The following CLSTN2 variants were observed in gnomAD, a reference collection of about 807,000 sequenced individuals.
CLSTN2 encodes calsyntenin 2, also known as calsyntenin-2.
A neutral mutation model predicts 101.2 loss-of-function variants in CLSTN2; 48 were observed. That is an observed-to-expected ratio of 0.47 (90% CI 0.38 to 0.60). The LOEUF (loss-of-function observed/expected upper bound fraction) is 0.60, where lower values mean the gene tolerates loss of function less well. Among genes scored for constraint, CLSTN2 ranks in the 20% least tolerant of loss-of-function variants. The pLI, the probability that CLSTN2 is intolerant of heterozygous loss-of-function variation, is 0.00. For synonymous variants in CLSTN2, 481 were observed against 463.6 expected (o/e 1.04, Z -0.48); for missense variants, 1,160 against 1,238.2 (o/e 0.94, Z 0.95).
chr3:140,207,951 A>T (rs976574895), intron 2 of CLSTN2, among the ~76,000 whole-genome samples: 2 of 152,074 alleles, frequency 1.3e-5, no homozygotes, highest in African/African-American at 4.8e-5. Flanking sequence ...ATATATTTAT[A>T]ATTATAGTAA....
intron 8 of CLSTN2, chr3:140,507,002 C>T (rs550133693): frequency 2.0e-5 from 3 of 152,068 alleles, no homozygotes; most frequent in Non-Finnish European, 2.9e-5. Context: ...TGTGAGGGAC[C>T]GGGATGGACA....
Position 140,566,086 on chromosome 3 carries a change from A to T in CLSTN2, c.2701A>T (p.Thr901Ser). Residue 901 changes from threonine to serine, a missense_variant, in exon 17 of 17, where the codon ACT (threonine) becomes TCT (serine). By Grantham distance (58) the Thr-to-Ser change is moderately conservative. Transcript: ENST00000458420. ...AGGACCAGGGCATGGGGAAGATGAGACTGAGGGAGAAGAGGAGGAAGAAGC... is the reference window on the plus strand; with the variant it reads ...AGGACCAGGGCATGGGGAAGATGAGTCTGAGGGAGAAGAGGAGGAAGAAGC... The part of the protein sequence containing the change: ...HEGPGHGEDE[T>S]EGEEEEEAEE... 2 of 1,613,496 alleles carry T rather than the reference A, an allele frequency of 1.2e-6. No homozygotes were observed. Among genetic ancestry groups the T allele is most frequent in the Non-Finnish European group, 1.7e-6 (2 of 1,179,466 alleles).
chr3:139,960,479 A>G (rs1332799138), intron 1 of CLSTN2, among the ~76,000 whole-genome samples: 1 of 152,182 alleles, frequency 6.6e-6, no homozygotes, highest in East Asian at 1.9e-4. Flanking sequence ...AGTATCAAAG[A>G]TGGAATCTTC....
intron 1 of CLSTN2, among the ~76,000 whole-genome samples, chr3:139,983,833 C>G (rs889432305): frequency 7.2e-5 from 11 of 152,014 alleles, no homozygotes; most frequent in Non-Finnish European, 1.6e-4. Context: ...CTTACCCAAT[C>G]AATAGTATAT....
chr3:140,200,577 A>T, intron 2 of CLSTN2, among the ~76,000 whole-genome samples: 1 of 152,210 alleles, frequency 6.6e-6, no homozygotes, highest in East Asian at 1.9e-4. Flanking sequence ...AGCATCAGGA[A>T]GGGTTAATAA....
chr3:140,559,491 T>G (rs909392558), intron 12 of CLSTN2, among the ~76,000 whole-genome samples: 1 of 150,192 alleles, frequency 6.7e-6, no homozygotes, highest in African/African-American at 2.5e-5. Context: ...GAGGAGTAAT[T>G]TGAATTATCT....
chr3:140,061,765 A>G (rs1364622224), intron 1 of CLSTN2, among the ~76,000 whole-genome samples: 2 of 152,228 alleles, frequency 1.3e-5, no homozygotes, highest in East Asian at 3.8e-4. Flanking sequence ...CCATGGCCTG[A>G]AAGGACCATG....
chr3:140,476,052 A>G (rs879455843), intron 8 of CLSTN2, among the ~76,000 whole-genome samples: 2 of 152,158 alleles, frequency 1.3e-5, no homozygotes, highest in Admixed American at 6.5e-5. Flanking sequence ...TCATGCTTCT[A>G]CCTTTCTCGT....
chr3:140,351,796 T>TG (rs2087609667), intron 2 of CLSTN2, among the ~76,000 whole-genome samples: 2 of 151,684 alleles, frequency 1.3e-5, no homozygotes, highest in African/African-American at 4.8e-5. Flanking sequence ...TGTTTTGTTT[T>TG]TTTTTTTTCT....
At chr3:140,143,699 A>G (rs989131256) in intron 1 of CLSTN2, among the ~76,000 whole-genome samples, 4 of 152,150 alleles carry the variant, frequency 2.6e-5, no homozygotes, top group African/African-American at 9.7e-5. Context: ...GCCAGTCAGG[A>G]AGCCTGCCTA....
chr3:140,200,232 A>G (rs1231896707), intron 2 of CLSTN2, among the ~76,000 whole-genome samples: 1 of 152,156 alleles, frequency 6.6e-6, no homozygotes, highest in African/African-American at 2.4e-5. Flanking sequence ...TTATGGTATG[A>G]TGCAGTGGTT....
chr3:140,348,082 T>A (rs778194679), intron 2 of CLSTN2, among the ~76,000 whole-genome samples: 7 of 152,178 alleles, frequency 4.6e-5, no homozygotes, highest in Non-Finnish European at 8.8e-5. Flanking sequence ...TAGCTCTACC[T>A]CCTAGACATA....
rs117685463 is a variant in CLSTN2, at chr3:139,970,582, C to T, written c.109+35099C>T. On this transcript the variant is annotated intron_variant, in intron 1 of 16. Transcript: ENST00000458420. ...TCTGTGCCAGGCATCTGGACCATTT[C>T]GGTGATGATGCTTGTCACAAATGAC... Among the ~76,000 whole-genome samples, 72 of 152,306 alleles carry T rather than the reference C, an allele frequency of 4.7e-4. 1 individual carries two copies. The East Asian group carries it at 0.013, about 27-fold the overall frequency.
At chr3:140,106,620 G>A (rs1284736257) in intron 1 of CLSTN2, among the ~76,000 whole-genome samples, 4 of 152,168 alleles carry the variant, frequency 2.6e-5, no homozygotes. Context: ...TCTCCAGGAT[G>A]GCCCACAGGA....
chr3:140,196,864 T>A (rs1214218171), intron 2 of CLSTN2, among the ~76,000 whole-genome samples: 6 of 152,238 alleles, frequency 3.9e-5, no homozygotes, highest in Non-Finnish European at 7.3e-5. Flanking sequence ...ATTTCTCTCC[T>A]GCTCTTGCAC....
intron 8 of CLSTN2, among the ~76,000 whole-genome samples, chr3:140,517,722 G>A (rs1431616237): frequency 6.6e-6 from 1 of 152,198 alleles, no homozygotes; most frequent in Non-Finnish European, 1.5e-5. Flanking sequence ...GGTGGAGGTG[G>A]AGGGGAATCA....
intron 2 of CLSTN2, among the ~76,000 whole-genome samples, chr3:140,218,647 G>A (rs980582874): frequency 4.6e-5 from 7 of 152,094 alleles, no homozygotes; most frequent in Admixed American, 2.6e-4. Context: ...TACTGAGTAC[G>A]TCAAGCAAGC....
At chr3:140,420,155 A>G (rs2088484563) in intron 4 of CLSTN2, among the ~76,000 whole-genome samples, 1 of 151,716 alleles carries the variant, frequency 6.6e-6, no homozygotes, top group African/African-American at 2.4e-5. Context: ...CAGCCTTCCA[A>G]AGTGCTGGGA....
rs1559884940 is a variant in CLSTN2 at position 140,490,109 on chromosome 3, TATATATATACACACAC to T, written c.1344+23380_1344+23395del. ...GTGTGTATATATATATATATATATATATATATATACACACACACACACACACACACACACACACACA... is the reference window on the plus strand; with the variant it reads ...GTGTGTATATATATATATATATATATACACACACACACACACACACACACA... On this transcript the variant is annotated intron_variant, in intron 8 of 16. Transcript: ENST00000458420. 7.2e-3 allele frequency among the ~76,000 whole-genome samples: 54 copies of T among 7,498 alleles called. 18 individuals carry two copies. The highest frequency in any genetic ancestry group is 9.9e-3 in the Non-Finnish European group (46 of 4,624). 4.9% of individuals were successfully genotyped at this position (7,498 alleles called of 152,430 possible). A position where few individuals can be genotyped will look rare whatever the true frequency, so the allele number is the denominator to read the frequency against.
Sources: gnomAD v4.1 joint callset for allele counts (sites outside exome capture counted in the v4.1 genomes callset) on GRCh38, gnomAD v4.1.1 for gene constraint, MANE v1.5 for transcripts, NCBI Gene and HGNC (gene_info 2026-07-23, HGNC 2026-07-21) for gene names.